FAM135B: variants seen among roughly 807,000 people sequenced by gnomAD.
FAM135B encodes protein FAM135B.
A neutral mutation model predicts 127.7 loss-of-function variants in FAM135B; 43 were observed. That is an observed-to-expected ratio of 0.34 (90% CI 0.26 to 0.43). The LOEUF is 0.43. Among genes scored for constraint, FAM135B ranks in the 20% least tolerant of loss-of-function variants. FAM135B has a pLI of 1.00. For synonymous variants in FAM135B, 670 were observed against 665.1 expected (o/e 1.01, Z -0.11); for missense variants, 1,558 against 1,725.6 (o/e 0.90, Z 1.72).
chr8:138,436,289 A>G (rs942713992), intron 1 of FAM135B, among the ~76,000 whole-genome samples: 1 of 152,242 alleles, frequency 6.6e-6, no homozygotes, highest in Non-Finnish European at 1.5e-5. Context: ...GCTGAAAAAA[A>G]TCACACTTAT....
At chr8:138,192,713 T>C (rs72721693) in intron 9 of FAM135B, among the ~76,000 whole-genome samples, 28 of 152,094 alleles carry the variant, frequency 1.8e-4, no homozygotes, top group African/African-American at 6.8e-4. Flanking sequence ...ACTCAGCAAA[T>C]TATTCTTAAA....
At chr8:138,133,155 C>T (rs1250285107) in intron 19 of FAM135B, among the ~76,000 whole-genome samples, 2 of 152,150 alleles carry the variant, frequency 1.3e-5, no homozygotes, top group Admixed American at 1.3e-4. Flanking sequence ...AGTTCTATTT[C>T]AGGGGATCTT....
intron 9 of FAM135B, among the ~76,000 whole-genome samples, chr8:138,182,777 G>A (rs117700986): frequency 7.8e-4 from 119 of 152,272 alleles, no homozygotes; most frequent in Non-Finnish European, 9.0e-4. Flanking sequence ...TGAACAAACC[G>A]CGCTCTCTCA....
chr8:138,251,051 TG>T, intron 5 of FAM135B, 37 bp from the exon 6 acceptor site: 1 of 1,610,302 alleles, frequency 6.2e-7, no homozygotes, highest in South Asian at 1.1e-5. Context: ...TGAGAAATGG[TG>T]GGTTGCCCCT....
At chr8:138,343,661 G>A (rs998681981) in intron 2 of FAM135B, among the ~76,000 whole-genome samples, 5 of 152,314 alleles carry the variant, frequency 3.3e-5, no homozygotes, top group East Asian at 3.9e-4. Context: ...AGCACCCCAC[G>A]TTCTTCCTTG....
At chr8:138,256,802 T>G in intron 4 of FAM135B, 43 bp from the exon 5 acceptor site, 1 of 1,511,932 alleles carries the variant, frequency 6.6e-7, no homozygotes, top group Non-Finnish European at 9.2e-7. Flanking sequence ...GAGTCAAATC[T>G]TGTCCAAATG....
At chr8:138,447,036 C>CA (rs1836209251) in intron 1 of FAM135B, among the ~76,000 whole-genome samples, 2 of 151,892 alleles carry the variant, frequency 1.3e-5, no homozygotes, top group African/African-American at 4.8e-5. Flanking sequence ...TTTATGCAGC[C>CA]AAAAAACACA....
At chr8:138,435,830 A>G (rs117794177) in intron 1 of FAM135B, among the ~76,000 whole-genome samples, 1 of 152,316 alleles carries the variant, frequency 6.6e-6, no homozygotes, top group Non-Finnish European at 1.5e-5. Context: ...GGGTGACTTA[A>G]GCAAAGGAGG....
At chr8:138,142,780 T>A in intron 16 of FAM135B, 1 of 427,894 alleles carries the variant, frequency 2.3e-6, no homozygotes, top group Non-Finnish European at 4.2e-6. Context: ...AGTCCAAGAC[T>A]CTTTCTACAG....
intron 9 of FAM135B, among the ~76,000 whole-genome samples, chr8:138,194,522 T>C (rs1413503821): frequency 6.6e-6 from 1 of 152,172 alleles, no homozygotes; most frequent in African/African-American, 2.4e-5. Context: ...CAAAGATGCA[T>C]CATTAAAGTT....
chr8:138,483,057 A>G (rs890316029), intron 1 of FAM135B, among the ~76,000 whole-genome samples: 9 of 151,978 alleles, frequency 5.9e-5, no homozygotes, highest in African/African-American at 1.9e-4. Flanking sequence ...GGAAGAGACT[A>G]TATTTCAGGA....
chr8:138,488,674 TTTG>T (rs1360113913), intron 1 of FAM135B, among the ~76,000 whole-genome samples: 40 of 152,188 alleles, frequency 2.6e-4, no homozygotes, highest in African/African-American at 9.1e-4. Flanking sequence ...TTGATTTTTG[TTTG>T]TTGTTTGTGA....
At chr8:138,231,082 T>G (rs190589018) in intron 7 of FAM135B, among the ~76,000 whole-genome samples, 1 of 152,262 alleles carries the variant, frequency 6.6e-6, no homozygotes, top group Admixed American at 6.5e-5. Context: ...CAGGCTGGAG[T>G]GTAGTGGTGC....
At chr8:138,263,321 C>T (rs1053624370) in intron 4 of FAM135B, among the ~76,000 whole-genome samples, 4 of 152,110 alleles carry the variant, frequency 2.6e-5, no homozygotes, top group Non-Finnish European at 5.9e-5. Context: ...CTCCAGGACC[C>T]TGCAGGGAAG....
chr8:138,211,399 C>T (rs1265336066), intron 7 of FAM135B, among the ~76,000 whole-genome samples: 1 of 152,120 alleles, frequency 6.6e-6, no homozygotes, highest in Non-Finnish European at 1.5e-5. Flanking sequence ...CAAGAATCAA[C>T]AGTTTCCTAC....
intron 12 of FAM135B, among the ~76,000 whole-genome samples, chr8:138,162,311 A>G (rs1443874096): frequency 2.6e-5 from 4 of 152,370 alleles, no homozygotes; most frequent in Non-Finnish European, 5.9e-5. Flanking sequence ...TAAATAGGCT[A>G]AGCACAGAGG....
chr8:138,354,098 C>T (rs140303279), intron 2 of FAM135B, among the ~76,000 whole-genome samples: 1 of 152,236 alleles, frequency 6.6e-6, no homozygotes, highest in Non-Finnish European at 1.5e-5. Context: ...GCTACCTTCA[C>T]CTCTTTAATA....
intron 6 of FAM135B, among the ~76,000 whole-genome samples, chr8:138,247,173 T>C (rs1821353058): frequency 6.6e-6 from 1 of 152,210 alleles, no homozygotes; most frequent in Admixed American, 6.5e-5. Context: ...GGGTTAATGC[T>C]GGAATGAATT....
chr8:138,229,999 C>T (rs1819791666), intron 7 of FAM135B, among the ~76,000 whole-genome samples: 1 of 152,178 alleles, frequency 6.6e-6, no homozygotes, highest in African/African-American at 2.4e-5. Flanking sequence ...CACAGCCAAA[C>T]CATAGAACCT....
Sources: allele counts gnomAD v4.1 joint callset (sites outside exome capture counted in the v4.1 genomes callset), GRCh38; gene constraint gnomAD v4.1.1; transcripts MANE v1.5; gene names NCBI Gene and HGNC (gene_info 2026-07-23, HGNC 2026-07-21).